ZNF567: variants seen among roughly 807,000 people sequenced by gnomAD.
The protein encoded by ZNF567 is zinc finger protein 567.
In ZNF567, 36 loss-of-function variants were observed where a neutral mutation model predicts 53.9. That is an observed-to-expected ratio of 0.67 (90% CI 0.51 to 0.88). ZNF567 has a LOEUF of 0.88. Ranked by LOEUF, ZNF567 falls within the 40% of genes least tolerant of loss-of-function variation. ZNF567 has a pLI of 0.00. For synonymous variants in ZNF567, 224 were observed against 260.4 expected (o/e 0.86, Z 1.35); for missense variants, 619 against 764.7 (o/e 0.81, Z 2.25).
downstream of ZNF567, among the ~76,000 whole-genome samples, chr19:36,726,348 T>G (rs561319917): frequency 1.2e-4 from 19 of 152,354 alleles, no homozygotes; most frequent in African/African-American, 4.3e-4. Context: ...CAATTTTATC[T>G]ATTATGAGAT....
At chr19:36,687,002 A>C (rs1171673612), upstream of ZNF567, among the ~76,000 whole-genome samples, 4 of 152,168 alleles carry the variant, frequency 2.6e-5, no homozygotes, top group Admixed American at 1.3e-4. Flanking sequence ...TCTGCTTAAC[A>C]TAGGCATGGA....
chr19:36,716,530 C>T (rs28472526), intron 5 of ZNF567, among the ~76,000 whole-genome samples: 7,016 of 152,128 alleles, frequency 0.046, 463 homozygotes, highest in African/African-American at 0.14. Context: ...AATAAGATCC[C>T]TTTTGAATCT....
downstream of ZNF567, among the ~76,000 whole-genome samples, chr19:36,722,311 T>C (rs2040311798): frequency 1.3e-5 from 2 of 152,102 alleles, no homozygotes; most frequent in South Asian, 4.1e-4. Flanking sequence ...ATTTATTAAT[T>C]AATTTATTTT....
the ZNF567 span, among the ~76,000 whole-genome samples, chr19:36,671,675 G>A: frequency 6.6e-6 from 1 of 152,226 alleles, no homozygotes; most frequent in Non-Finnish European, 1.5e-5. Context: ...TGAGGATTTT[G>A]GAGCAAAGCC....
intron 5 of ZNF567, among the ~76,000 whole-genome samples, chr19:36,713,895 A>G (rs887591454): frequency 1.3e-5 from 2 of 152,140 alleles, no homozygotes; most frequent in Admixed American, 1.3e-4. Context: ...AGATCGTGCC[A>G]TTGCACTCCA....
Position 36,720,310 on chromosome 19 carries a change from G to A in ZNF567, c.1586G>A (p.Gly529Glu), listed in dbSNP as rs1351748613. Residue 529 changes from glycine to glutamate, a missense_variant, in exon 6 of 6, where the codon GGG becomes GAG. Transcript: ENST00000682579. ...NLNLHQRIHT[G>E]EKPYVCNECG... ...AATCTACATCAGAGAATTCATACAG[G>A]GGAGAAACCCTATGTTTGTAATGAA... 1.9e-6 allele frequency: 3 copies of A among 1,613,934 alleles called. No homozygotes were observed. Among genetic ancestry groups the A allele is most frequent in the Non-Finnish European group, 2.5e-6 (3 of 1,180,010 alleles).
the ZNF567 span, among the ~76,000 whole-genome samples, chr19:36,678,209 A>G: frequency 6.6e-6 from 1 of 152,140 alleles, no homozygotes; most frequent in South Asian, 2.1e-4. Flanking sequence ...TTGTTTGAGA[A>G]ACTTTTCCCT....
At chr19:36,712,105 G>T in intron 3 of ZNF567, 1 of 314,554 alleles carries the variant, frequency 3.2e-6, no homozygotes, top group Non-Finnish European at 6.1e-6. Flanking sequence ...GGAGTGCAGT[G>T]GCATGATCTG....
chr19:36,718,343 C>CA lies in ZNF567; in HGVS notation c.224-599dup, dbSNP rs2040158070. 2.6e-5 allele frequency among the ~76,000 whole-genome samples: 4 copies of CA among 152,066 alleles called. No individual in the cohort carries two copies. In the East Asian group the frequency reaches 7.8e-4, roughly 30 times the overall value. On this transcript the variant is annotated intron_variant, in intron 5 of 5. Coordinates refer to ENST00000682579, the MANE Select transcript of ZNF567 (RefSeq NM_001322917.1). ...TGAAACCCCGTCTCTACTAAAAATACAAAAAATTAGCTAGGCGTGGTGGCA... is the reference window on the plus strand; with the variant it reads ...TGAAACCCCGTCTCTACTAAAAATACAAAAAAATTAGCTAGGCGTGGTGGCA...
chr19:36,698,863 T>C (rs1452674372), intron 3 of ZNF567, among the ~76,000 whole-genome samples: 2 of 152,142 alleles, frequency 1.3e-5, no homozygotes, highest in Non-Finnish European at 2.9e-5. Context: ...TTCTCCCATT[T>C]TGTAGGTTGC....
At chr19:36,680,481 T>C in the ZNF567 span, among the ~76,000 whole-genome samples, 9 of 152,154 alleles carry the variant, frequency 5.9e-5, no homozygotes, top group Admixed American at 6.5e-5. Flanking sequence ...GGGAAATGTG[T>C]AGGTAGTTTT....
At chr19:36,688,604 G>A (rs2038398359) in intron 1 of ZNF567, among the ~76,000 whole-genome samples, 1 of 148,146 alleles carries the variant, frequency 6.8e-6, no homozygotes, top group South Asian at 2.2e-4. Context: ...TCAGGAGATC[G>A]AGAACATCCT....
chr19:36,678,509 T>C, the ZNF567 span, among the ~76,000 whole-genome samples: 1 of 152,130 alleles, frequency 6.6e-6, no homozygotes, highest in Non-Finnish European at 1.5e-5. Context: ...AAGGGGCTAA[T>C]ATTCAAAATG....
intron 5 of ZNF567, among the ~76,000 whole-genome samples, chr19:36,713,706 G>A (rs529234577): frequency 5.3e-5 from 8 of 152,154 alleles, no homozygotes; most frequent in Admixed American, 1.3e-4. Context: ...AGGCTGAGGC[G>A]GGCAGATCAC....
intron 2 of ZNF567, among the ~76,000 whole-genome samples, chr19:36,694,393 T>C (rs1224048782): frequency 6.6e-6 from 1 of 152,208 alleles, no homozygotes; most frequent in Non-Finnish European, 1.5e-5. Context: ...AACCACAATT[T>C]ACATGTGTTA....
intron 3 of ZNF567, among the ~76,000 whole-genome samples, chr19:36,708,649 C>A (rs149879730): frequency 6.6e-6 from 1 of 152,292 alleles, no homozygotes; most frequent in African/African-American, 2.4e-5. Flanking sequence ...CCTGCTACCC[C>A]CTGGAAACCA....
chr19:36,698,987 G>C (rs1433363124), intron 3 of ZNF567, among the ~76,000 whole-genome samples: 1 of 152,140 alleles, frequency 6.6e-6, no homozygotes, highest in African/African-American at 2.4e-5. Context: ...TAGTCATGGA[G>C]TCCTTGCCCA....
chr19:36,721,504 A>G (rs2040297400), downstream of ZNF567, among the ~76,000 whole-genome samples: 2 of 152,166 alleles, frequency 1.3e-5, no homozygotes. Context: ...TTAATAAATC[A>G]TGGACATGTG....
intron 3 of ZNF567, among the ~76,000 whole-genome samples, chr19:36,709,713 C>G (rs536737040): frequency 6.6e-6 from 1 of 152,172 alleles, no homozygotes; most frequent in South Asian, 2.1e-4. Flanking sequence ...GTCTTCCTGC[C>G]TCAGCCCTCC....
Sources: gnomAD v4.1 joint callset for allele counts (sites outside exome capture counted in the v4.1 genomes callset) on GRCh38, gnomAD v4.1.1 for gene constraint, MANE v1.5 for transcripts, NCBI Gene and HGNC (gene_info 2026-07-23, HGNC 2026-07-21) for gene names.